WDR47: variants seen among roughly 807,000 people sequenced by gnomAD.
The protein encoded by WDR47 is WD repeat-containing protein 47.
A neutral mutation model predicts 97.2 loss-of-function variants in WDR47; 32 were observed. That is an observed-to-expected ratio of 0.33 (90% confidence interval 0.25 to 0.44). The LOEUF (loss-of-function observed/expected upper bound fraction) is 0.44, where lower values mean the gene tolerates loss of function less well. Among genes scored for constraint, WDR47 ranks in the 20% least tolerant of loss-of-function variants. The probability of loss-of-function intolerance (pLI) is 1.00; values close to 1 mark genes in which losing one functional copy is unlikely to be tolerated. For missense variants in WDR47, 782 were observed against 1,102.3 expected, an observed-to-expected ratio of 0.71 and a Z score of 4.11; for synonymous variants, 375 against 373.5, an observed-to-expected ratio of 1.00 and a Z score of -0.05.
At chr1:108,974,171 G>C (rs1657703246) in intron 14 of WDR47, among the ~76,000 whole-genome samples, 1 of 151,834 alleles carries the variant, frequency 6.6e-6, no homozygotes, top group South Asian at 2.1e-4. Flanking sequence ...CTCCAGCCTG[G>C]GCGACAGAGC....
intron 1 of WDR47, among the ~76,000 whole-genome samples, chr1:109,038,794 T>C (rs1239689606): frequency 6.6e-6 from 1 of 152,112 alleles, no homozygotes; most frequent in Non-Finnish European, 1.5e-5. Flanking sequence ...CTGGCCAACA[T>C]GGTGAAACCC....
At chr1:108,982,554 A>G in intron 12 of WDR47, 55 bp downstream of exon 12, 1 of 1,536,364 alleles carries the variant, frequency 6.5e-7, no homozygotes, top group Non-Finnish European at 8.7e-7. Flanking sequence ...AGAGAGGAAA[A>G]AAAAGCACAG....
At chr1:108,998,572 G>A (rs931478333) in intron 7 of WDR47, among the ~76,000 whole-genome samples, 1 of 152,092 alleles carries the variant, frequency 6.6e-6, no homozygotes, top group African/African-American at 2.4e-5. Flanking sequence ...GGAAGAGGCT[G>A]AATACGCCTA....
intron 3 of WDR47, among the ~76,000 whole-genome samples, chr1:109,014,624 C>T (rs191306549): frequency 2.3e-4 from 35 of 151,598 alleles, no homozygotes; most frequent in Middle Eastern, 6.8e-3. Context: ...TTGTAGAGAC[C>T]GGGTCTCACT....
At chr1:109,006,218 A>C (rs1372992556) in intron 5 of WDR47, among the ~76,000 whole-genome samples, 3 of 152,056 alleles carry the variant, frequency 2.0e-5, no homozygotes, top group African/African-American at 7.2e-5. Flanking sequence ...AACATGGAAA[A>C]ACCCCGTCTC....
intron 4 of WDR47, among the ~76,000 whole-genome samples, chr1:109,012,572 CA>C (rs57237933): frequency 5.4e-5 from 4 of 73,852 alleles, no homozygotes; most frequent in African/African-American, 1.2e-4. Flanking sequence ...GACTCCATCT[CA>C]AAAAAAAAAA....
chr1:109,004,099 C>T (rs990231527), intron 6 of WDR47, among the ~76,000 whole-genome samples: 3 of 152,032 alleles, frequency 2.0e-5, no homozygotes, highest in Non-Finnish European at 2.9e-5. Context: ...CCCGTCTCTA[C>T]TAAAAATACA....
At position 108,976,371 on chromosome 1, in the gene WDR47, GA is replaced by G. The variant is rs369190021; in HGVS notation, c.2399-1618del. ...AACCATTATCAAAACTAGGGAAGAG[GA>G]AAAAAAAAAAACAGTAAGGAAGGTG... On this transcript the variant is annotated intron_variant, in intron 13 of 14. Coordinates refer to ENST00000369962, the MANE Select transcript of WDR47 (RefSeq NM_001142551.2). Among the ~76,000 whole-genome samples the G allele has an allele frequency of 3.0e-3, 393 of 132,308 alleles. 1 individual carries two copies. The highest frequency in any genetic ancestry group is 4.5e-3 in the Non-Finnish European group (275 of 60,738). The allele number at this position is 132,308 out of a possible 152,430, so 86.8% of individuals were successfully genotyped here.
intron 7 of WDR47, among the ~76,000 whole-genome samples, chr1:109,000,191 G>A (rs1014075951): frequency 2.6e-4 from 39 of 151,632 alleles, no homozygotes; most frequent in African/African-American, 9.5e-4. Context: ...AGCCTAACAT[G>A]ACAGAGCAAG....
At chr1:108,986,781 T>C in intron 9 of WDR47, 101 bp from the exon 10 acceptor site, 3 of 1,055,924 alleles carry the variant, frequency 2.8e-6, no homozygotes, top group Non-Finnish European at 4.0e-6. Flanking sequence ...TTATTCTTGT[T>C]GGATCATGTT....
chr1:109,006,349 C>T (rs1268340501), intron 5 of WDR47, among the ~76,000 whole-genome samples: 2 of 147,414 alleles, frequency 1.4e-5, no homozygotes, highest in East Asian at 4.0e-4. Context: ...GCCGAGATCG[C>T]GCCATTGCAG....
chr1:108,997,876 T>G (rs1225261826), intron 7 of WDR47, among the ~76,000 whole-genome samples: 1 of 152,074 alleles, frequency 6.6e-6, no homozygotes, highest in Non-Finnish European at 1.5e-5. Flanking sequence ...CAGCTGAGAT[T>G]CAATATAAGA....
At chr1:109,041,475 G>C (rs1405765574) in intron 1 of WDR47, 2 of 152,254 alleles carry the variant, frequency 1.3e-5, no homozygotes, top group African/African-American at 4.8e-5. Context: ...CTCGACCAAG[G>C]GGCGAGGAAG....
chr1:109,018,430 C>T (rs1661581206), intron 2 of WDR47, among the ~76,000 whole-genome samples: 1 of 141,346 alleles, frequency 7.1e-6, no homozygotes, highest in African/African-American at 2.7e-5. Flanking sequence ...AAGAGAGACT[C>T]TGTCTCAAAA....
At chr1:109,020,235 GTT>G (rs1271064037) in intron 2 of WDR47, among the ~76,000 whole-genome samples, 3 of 146,108 alleles carry the variant, frequency 2.1e-5, no homozygotes, top group Non-Finnish European at 1.5e-5. Context: ...ATATTTAGTT[GTT>G]TTTTTTTTTT....
rs1658495472 is a variant in WDR47 at position 108,983,335 on chromosome 1, T to C, written c.2042A>G (p.Asn681Ser). Residue 681 changes from asparagine (N) to serine (S), a missense_variant, in exon 11 of 15, where the codon AAT becomes AGT. Transcript: ENST00000369962. ...PCGQLLATGS[N>S]DKYVKVLPFN... ...GGGCAGCACTTTGACGTATTTGTCA[T>C]TTGATCCTGTTGCTAATAACTGCCC... The C allele has an allele frequency of 6.2e-7, 1 of 1,612,790 alleles. No individual in the cohort carries two copies. The highest frequency in any genetic ancestry group is 1.3e-5 in the African/African-American group (1 of 74,862).
At chr1:109,010,317 G>A (rs1301903213) in intron 5 of WDR47, among the ~76,000 whole-genome samples, 4 of 152,170 alleles carry the variant, frequency 2.6e-5, no homozygotes, top group African/African-American at 9.7e-5. Context: ...AGAACTTTGG[G>A]AGGCCAAGGC....
chr1:109,033,822 G>A (rs908219729), intron 1 of WDR47, among the ~76,000 whole-genome samples: 2 of 152,256 alleles, frequency 1.3e-5, no homozygotes, highest in Admixed American at 6.5e-5. Flanking sequence ...AGGAGGCTGA[G>A]GCAGGAGAAT....
intron 2 of WDR47, 55 bp downstream of exon 2, chr1:109,023,300 A>G (rs1661982856): frequency 6.4e-7 from 1 of 1,556,424 alleles, no homozygotes; most frequent in African/African-American, 1.4e-5. Context: ...TACCTTATTA[A>G]TACTTAACAT....
Sources: gnomAD v4.1 joint callset for allele counts (sites outside exome capture counted in the v4.1 genomes callset) on GRCh38, gnomAD v4.1.1 for gene constraint, MANE v1.5 for transcripts, NCBI Gene and HGNC (gene_info 2026-07-23, HGNC 2026-07-21) for gene names.